SLC43A3: variants seen among roughly 807,000 people sequenced by gnomAD.
SLC43A3 encodes equilibrative nucleobase transporter 1.
Under a neutral mutation model 53.3 loss-of-function variants are expected in SLC43A3, and 33 were observed. The ratio of observed to expected loss-of-function variants is 0.62; its 90% CI spans 0.47 to 0.83. SLC43A3 has a LOEUF of 0.83. Among genes scored for constraint, SLC43A3 ranks in the 40% least tolerant of loss-of-function variants. SLC43A3 has a pLI of 0.00. For synonymous variants in SLC43A3, 236 were observed against 246.2 expected, an observed-to-expected ratio of 0.96 and a Z score of 0.39; for missense variants, 530 against 610.0, an observed-to-expected ratio of 0.87 and a Z score of 1.38.
chr11:57,409,443 C>T (rs1177795604), intron 12 of SLC43A3, 145 bp from the exon 13 acceptor site: 1 of 889,648 alleles, frequency 1.1e-6, no homozygotes, highest in African/African-American at 1.7e-5. Context: ...TGGCCTTTCC[C>T]TCTTCAGCTC....
intron 8 of SLC43A3, among the ~76,000 whole-genome samples, chr11:57,417,270 T>C (rs115667513): frequency 6.0e-4 from 91 of 152,318 alleles, no homozygotes; most frequent in African/African-American, 1.9e-3. Context: ...GCCAAAAGAA[T>C]GCAGCAGAAG....
At chr11:57,415,379 G>A (rs1481086645) in intron 9 of SLC43A3, 2 of 1,446,632 alleles carry the variant, frequency 1.4e-6, no homozygotes, top group Non-Finnish European at 1.8e-6. Context: ...GACACTTCTT[G>A]CAGTAATACC....
chr11:57,416,523 A>T, intron 9 of SLC43A3, 50 bp downstream of exon 9: 4 of 1,473,798 alleles, frequency 2.7e-6, no homozygotes, highest in Non-Finnish European at 3.8e-6. Context: ...GGAAAGGCAC[A>T]AGGAGAGGCT....
chr11:57,425,265 T>A (rs1943160280), intron 4 of SLC43A3, among the ~76,000 whole-genome samples: 1 of 152,220 alleles, frequency 6.6e-6, no homozygotes, highest in Non-Finnish European at 1.5e-5. Context: ...GAAGTCACCC[T>A]GGCCTCCGGC....
At position 57,424,955 on chromosome 11, in the gene SLC43A3, G is replaced by A. The variant is rs180824864; in HGVS notation, c.314+586C>T. On this transcript the variant is annotated intron_variant, in intron 4 of 13. Transcript: ENST00000395124. The stretch of plus-strand genomic sequence containing the variant: ...AGCAACACACTGTGTGTGAGATCAC[G>A]TCCCGAACCTTCTGACTCATCTGCA... Among the ~76,000 whole-genome samples the A allele has an allele frequency of 4.1e-3, 632 of 152,310 alleles. 4 individuals are homozygous for A. Among genetic ancestry groups the A allele is most frequent in the Middle Eastern group, 0.017 (5 of 294 alleles).
At chr11:57,422,742 C>A (rs1943043278) in intron 5 of SLC43A3, among the ~76,000 whole-genome samples, 1 of 152,166 alleles carries the variant, frequency 6.6e-6, no homozygotes, top group African/African-American at 2.4e-5. Context: ...AGGCACGAGT[C>A]AAACATTACC....
At chr11:57,418,623 T>C (rs1942832201) in intron 7 of SLC43A3, among the ~76,000 whole-genome samples, 1 of 152,018 alleles carries the variant, frequency 6.6e-6, no homozygotes. Flanking sequence ...ATTACATGAT[T>C]ACATGCCTGT....
chr11:57,410,646 A>C (rs1428206878), intron 11 of SLC43A3, among the ~76,000 whole-genome samples: 1 of 151,516 alleles, frequency 6.6e-6, no homozygotes, highest in Non-Finnish European at 1.5e-5. Flanking sequence ...AAAAAAAAAA[A>C]CTCTGCAGAA....
chr11:57,415,246 T>A, intron 9 of SLC43A3, 140 bp from the exon 10 acceptor site: 1 of 1,538,050 alleles, frequency 6.5e-7, no homozygotes, highest in South Asian at 1.2e-5. Context: ...CGGCGTGCTC[T>A]GCACCTGCCT....
intron 7 of SLC43A3, among the ~76,000 whole-genome samples, chr11:57,418,887 C>G (rs963045523): frequency 6.9e-5 from 10 of 144,810 alleles, no homozygotes; most frequent in African/African-American, 2.7e-4. Context: ...GAGACTCTGT[C>G]TCAAAAAAAA....
intron 7 of SLC43A3, among the ~76,000 whole-genome samples, chr11:57,418,110 C>T (rs1187479662): frequency 6.6e-6 from 1 of 152,176 alleles, no homozygotes; most frequent in Middle Eastern, 3.2e-3. Context: ...GCACGAGGAT[C>T]ACCTGAGCCC....
In SLC43A3 at chr11:57,414,919, G is replaced by C. The variant is rs1264087896; in HGVS notation, c.943+14C>G. 6.2e-7 allele frequency: 1 copy of C among 1,611,374 alleles called. No individual in the cohort carries two copies. The highest frequency in any genetic ancestry group is 8.5e-7 in the Non-Finnish European group (1 of 1,179,968). On this transcript the variant is annotated intron_variant, in intron 10 of 13. Transcript: ENST00000395124. The stretch of plus-strand genomic sequence containing the variant: ...GGACATGCAGATGGGCTACCTCCCA[G>C]CCCTACCACATACCTCGTGCCATGT...
intron 12 of SLC43A3, among the ~76,000 whole-genome samples, 158 bp downstream of exon 12, chr11:57,409,777 C>T (rs111298710): frequency 3.7e-4 from 56 of 152,298 alleles, no homozygotes; most frequent in Non-Finnish European, 7.4e-4. Flanking sequence ...CTATCCTTCC[C>T]ACCACCTCTG....
rs982181956 is a variant in SLC43A3 at position 57,407,354 on chromosome 11, T to A, written c.*438A>T. ...AGTTCTCTAGCCAAGGCTGCACTCT[T>A]GAGGGAGAGCCAGGAAGCATAGCTG... On this transcript the variant is annotated 3_prime_UTR_variant, in exon 14 of 14. Transcript: ENST00000395124. 6.1e-6 allele frequency: 1 copy of A among 162,908 alleles called. No individual in the cohort carries two copies. Among genetic ancestry groups the A allele is most frequent in the African/African-American group, 2.4e-5 (1 of 41,604 alleles). The allele number at this position is 162,908 out of a possible 1,614,324, so 10.1% of individuals were successfully genotyped here. A position where few individuals can be genotyped will look rare whatever the true frequency, so the allele number is the denominator to read the frequency against.
intron 5 of SLC43A3, among the ~76,000 whole-genome samples, chr11:57,423,013 G>A (rs774435976): frequency 1.3e-5 from 2 of 152,138 alleles, no homozygotes; most frequent in Admixed American, 6.5e-5. Flanking sequence ...ATTGAGCCAC[G>A]GGTCTAACAC....
In SLC43A3 at chr11:57,414,933, C is replaced by T. The variant is rs756985709; in HGVS notation, c.943G>A (p.Val315Ile). 6.8e-6 allele frequency: 11 copies of T among 1,612,120 alleles called. No individual in the cohort carries two copies. The African/African-American group carries it at 1.5e-4, about 22-fold the overall frequency. Residue 315 changes from valine (V) to isoleucine (I), a missense_variant and splice_region_variant, in exon 10 of 14, where the codon GTC (valine) becomes ATC (isoleucine). This residue lies in a region of SLC43A3 where 376 missense variants were observed against 386.7 expected (regional missense o/e 0.97). Coordinates refer to ENST00000395124, the MANE Select transcript of SLC43A3 (RefSeq NM_199329.3). ...GCTACCTCCCAGCCCTACCACATAC[C>T]TCGTGCCATGTCCCCACCGGCCATG... ...TNMAGGDMAR[V>I]STYTNAFAFT...
Position 57,416,665 on chromosome 11 carries a change from C to T in SLC43A3, c.677G>A (p.Cys226Tyr), listed in dbSNP as rs371678588. The change falls in exon 9 of 14, where the codon TGC (cysteine) becomes TAC (tyrosine). Residue 226 changes from cysteine (C) to tyrosine (Y), a missense_variant. Cys to Tyr is a radical substitution (Grantham distance 194, BLOSUM62 -2). This residue lies in a region of SLC43A3 where 376 missense variants were observed against 386.7 expected (regional missense o/e 0.97). Coordinates refer to ENST00000395124, the MANE Select transcript of SLC43A3 (RefSeq NM_199329.3). The part of the protein sequence containing the change: ...PLPPNYSYGL[C>Y]PGNGTTKEEK... ...TTCCTTTGTGGTGCCATTCCCAGGGCACAGGCTATGGAAACAAAAGCCCCA... is the reference window on the plus strand; with the variant it reads ...TTCCTTTGTGGTGCCATTCCCAGGGTACAGGCTATGGAAACAAAAGCCCCA... 2 of 1,613,954 alleles carry T rather than the reference C, an allele frequency of 1.2e-6. No homozygotes were observed. The highest frequency in any genetic ancestry group is 2.2e-5 in the East Asian group (1 of 44,880).
chr11:57,412,764 C>T (rs554552424), intron 11 of SLC43A3, among the ~76,000 whole-genome samples: 148 of 151,354 alleles, frequency 9.8e-4, no homozygotes, highest in African/African-American at 3.2e-3. Flanking sequence ...GCTGAGATTA[C>T]GCCACTGCAC....
At position 57,410,062 on chromosome 11, in the gene SLC43A3, G is replaced by A; in HGVS notation, c.1120C>T (p.Leu374=). 2 of 1,612,466 alleles carry A rather than the reference G, an allele frequency of 1.2e-6. No homozygotes were observed. Among genetic ancestry groups the A allele is most frequent in the Non-Finnish European group, 1.7e-6 (2 of 1,179,520 alleles). ...STVPSLALTS[L]LCLGFALCAS... is the part of the protein sequence containing the mutation. ...CAGAGGGCGAAGCCCAGGCACAGCA[G>A]GGATGTCAGGGCCAGCGAAGGCACC... Residue 374 remains leucine, a synonymous_variant, in exon 12 of 14, where the codon CTG becomes TTG. Transcript: ENST00000395124.
Sources: allele counts gnomAD v4.1 joint callset (sites outside exome capture counted in the v4.1 genomes callset), GRCh38; gene constraint gnomAD v4.1.1; regional missense constraint gnomAD v4.1.1; transcripts MANE v1.5; gene names NCBI Gene and HGNC (gene_info 2026-07-23, HGNC 2026-07-21).